PRKCE: variants seen among roughly 807,000 people sequenced by gnomAD.
PRKCE encodes the protein protein kinase C epsilon.
In PRKCE, 16 loss-of-function variants were observed where a neutral mutation model predicts 85.4. The observed-to-expected ratio is 0.19, with a 90% confidence interval of 0.13 to 0.28. The LOEUF is 0.28. Ranked by LOEUF, PRKCE falls within the 10% of genes least tolerant of loss-of-function variation. PRKCE has a pLI of 1.00. For missense variants in PRKCE, 573 were observed against 975.2 expected (o/e 0.59, Z 5.49); for synonymous variants, 388 against 371.5 (o/e 1.04, Z -0.51).
intron 10 of PRKCE, among the ~76,000 whole-genome samples, chr2:46,032,553 G>GT (rs537482641): frequency 9.9e-5 from 15 of 152,094 alleles, no homozygotes; most frequent in Admixed American, 7.2e-4. Flanking sequence ...AGTCTACCGT[G>GT]TTTTTTTTCT....
intron 2 of PRKCE, among the ~76,000 whole-genome samples, chr2:45,902,437 C>A (rs1003556203): frequency 1.3e-5 from 2 of 152,154 alleles, no homozygotes; most frequent in Non-Finnish European, 2.9e-5. Context: ...CAGGTAGCTC[C>A]AAGTCTGCCT....
At chr2:46,146,954 G>T (rs549272211) in intron 12 of PRKCE, among the ~76,000 whole-genome samples, 3 of 152,206 alleles carry the variant, frequency 2.0e-5, no homozygotes, top group African/African-American at 7.2e-5. Context: ...TTCAGTGGAG[G>T]AGAGTCCTAG....
At chr2:45,835,318 G>A (rs1690767113) in intron 1 of PRKCE, among the ~76,000 whole-genome samples, 2 of 152,178 alleles carry the variant, frequency 1.3e-5, no homozygotes, top group East Asian at 1.9e-4. Context: ...TTCATTTTAA[G>A]TGTAGGCTTG....
intron 2 of PRKCE, among the ~76,000 whole-genome samples, chr2:45,959,071 C>T (rs1022591380): frequency 2.0e-5 from 3 of 151,412 alleles, no homozygotes; most frequent in African/African-American, 7.3e-5. Context: ...TAGTTCTTAG[C>T]TAGAAATCAA....
At chr2:46,178,878 C>T (rs1448552032) in intron 14 of PRKCE, among the ~76,000 whole-genome samples, 1 of 152,114 alleles carries the variant, frequency 6.6e-6, no homozygotes, top group Non-Finnish European at 1.5e-5. Flanking sequence ...ATGCATGATC[C>T]AGACAGTGCC....
At chr2:45,987,124 C>A (rs546467048) in intron 6 of PRKCE, among the ~76,000 whole-genome samples, 2 of 151,924 alleles carry the variant, frequency 1.3e-5, no homozygotes, top group East Asian at 3.9e-4. Context: ...AAGAAAGCAG[C>A]CCAGACACCC....
chr2:45,754,638 T>C (rs894760325), intron 1 of PRKCE, among the ~76,000 whole-genome samples: 3 of 152,228 alleles, frequency 2.0e-5, no homozygotes, highest in Non-Finnish European at 4.4e-5. Context: ...GCCTGCCCCC[T>C]TGAGGGCCTG....
intron 1 of PRKCE, among the ~76,000 whole-genome samples, chr2:45,722,544 C>G (rs1680708833): frequency 6.6e-6 from 1 of 152,192 alleles, no homozygotes; most frequent in South Asian, 2.1e-4. Context: ...GGATGCTGAA[C>G]TTGGGCAGAA....
chr2:46,149,868 T>TA (rs769236906), intron 12 of PRKCE, among the ~76,000 whole-genome samples: 54 of 151,714 alleles, frequency 3.6e-4, no homozygotes, highest in Non-Finnish European at 6.3e-4. Flanking sequence ...TCCTTTTTTT[T>TA]TTTTTTGAGA....
chr2:46,057,439 T>A (rs953749087), intron 10 of PRKCE, among the ~76,000 whole-genome samples: 1 of 138,798 alleles, frequency 7.2e-6, no homozygotes, highest in Non-Finnish European at 1.6e-5. Flanking sequence ...TCTCTTCAAC[T>A]TTTTTTTTTT....
chr2:45,742,270 A>T lies in PRKCE; in HGVS notation c.348+89822A>T, dbSNP rs1399038337. 2.0e-5 allele frequency among the ~76,000 whole-genome samples: 3 copies of T among 152,054 alleles called. No homozygotes were observed. The East Asian group carries it at 5.8e-4, about 29-fold the overall frequency. On this transcript the variant is annotated intron_variant, in intron 1 of 14. Coordinates refer to ENST00000306156, the MANE Select transcript of PRKCE (RefSeq NM_005400.3). ...ATAACTCAATAGAAAAAAAAACACC[A>T]CACAACTGGATTAAAACCTGTGCAA...
intron 1 of PRKCE, among the ~76,000 whole-genome samples, chr2:45,796,579 A>C (rs561615250): frequency 1.7e-4 from 26 of 152,278 alleles, no homozygotes; most frequent in African/African-American, 6.3e-4. Context: ...AGGCCAATTA[A>C]CTTAACCTCT....
chr2:45,798,593 CAG>C (rs949999730), intron 1 of PRKCE, among the ~76,000 whole-genome samples: 3 of 152,098 alleles, frequency 2.0e-5, no homozygotes, highest in African/African-American at 7.2e-5. Flanking sequence ...AGTGTAAAGC[CAG>C]AGTTTTATAT....
chr2:45,718,386 C>G (rs1332066912), intron 1 of PRKCE, among the ~76,000 whole-genome samples: 1 of 138,264 alleles, frequency 7.2e-6, no homozygotes, highest in Non-Finnish European at 1.5e-5. Flanking sequence ...TGCTCTGTCA[C>G]CAGGCTGGAG....
At chr2:46,162,327 G>A (rs757453948) in intron 14 of PRKCE, among the ~76,000 whole-genome samples, 19 of 152,154 alleles carry the variant, frequency 1.2e-4, no homozygotes, top group Non-Finnish European at 2.5e-4. Context: ...TTGCCTGGAG[G>A]GTCAAGGAAG....
chr2:45,816,064 G>A (rs758838722), intron 1 of PRKCE, among the ~76,000 whole-genome samples: 27 of 152,198 alleles, frequency 1.8e-4, no homozygotes, highest in Non-Finnish European at 3.2e-4. Flanking sequence ...CTCTTGGCCT[G>A]TAAAGAGTAC....
chr2:45,721,466 G>C (rs1460516720), intron 1 of PRKCE, among the ~76,000 whole-genome samples: 1 of 152,200 alleles, frequency 6.6e-6, no homozygotes, highest in East Asian at 1.9e-4. Flanking sequence ...TTCTCAGACG[G>C]ATGGGGCTAG....
chr2:46,014,746 T>G (rs905633963), intron 10 of PRKCE, among the ~76,000 whole-genome samples: 2 of 152,134 alleles, frequency 1.3e-5, no homozygotes, highest in East Asian at 1.9e-4. Flanking sequence ...AGTAGAGAGA[T>G]AGACATGCAA....
intron 1 of PRKCE, among the ~76,000 whole-genome samples, chr2:45,811,126 A>T (rs889300384): frequency 1.3e-5 from 2 of 152,218 alleles, no homozygotes; most frequent in Non-Finnish European, 2.9e-5. Flanking sequence ...TGTTCTTTAT[A>T]AAATTCTGTT....
Sources: allele counts gnomAD v4.1 joint callset (sites outside exome capture counted in the v4.1 genomes callset), GRCh38; gene constraint gnomAD v4.1.1; transcripts MANE v1.5; gene names NCBI Gene and HGNC (gene_info 2026-07-23, HGNC 2026-07-21).